Variants in HDX observed in about 807,000 individuals in gnomAD.
HDX encodes highly divergent homeobox.
HDX carries 19 observed loss-of-function variants against 45.2 expected under a neutral mutation model. That is an observed-to-expected ratio of 0.42 (90% CI 0.29 to 0.62). HDX has a LOEUF of 0.62. Among genes scored for constraint, HDX ranks in the 20% least tolerant of loss-of-function variants. The pLI is 0.20. For synonymous variants in HDX, 188 were observed against 172.8 expected (o/e 1.09, Z -0.69); for missense variants, 532 against 493.9 (o/e 1.08, Z -0.73).
At chrX:84,435,110 A>C (rs968010942) in intron 5 of HDX, among the ~76,000 whole-genome samples, 1 of 110,730 alleles carries the variant, frequency 9.0e-6, no homozygotes, top group African/African-American at 3.3e-5. Context: ...TTTTCAGAAA[A>C]CTTTTTGTTT....
At chrX:84,330,728 A>T (rs937123515) in intron 9 of HDX, among the ~76,000 whole-genome samples, 2 of 112,104 alleles carry the variant, frequency 1.8e-5, no homozygotes, top group African/African-American at 6.5e-5. Flanking sequence ...TGGTATGCAG[A>T]CTTCTAATTC....
chrX:84,347,013 A>G (rs2037221973), intron 6 of HDX, among the ~76,000 whole-genome samples: 1 of 111,371 alleles, frequency 9.0e-6, no homozygotes, highest in Non-Finnish European at 1.9e-5. Flanking sequence ...GATTTCTTTT[A>G]TCAGAGTTTT....
intron 1 of HDX, among the ~76,000 whole-genome samples, chrX:84,495,362 A>G (rs1019485605): frequency 5.4e-5 from 6 of 111,569 alleles, no homozygotes; most frequent in African/African-American, 1.3e-4. Flanking sequence ...TTTTCACCAC[A>G]AAATAAGTAT....
chrX:84,418,534 G>T (rs1186757366), intron 5 of HDX, among the ~76,000 whole-genome samples: 1 of 111,427 alleles, frequency 9.0e-6, no homozygotes, highest in African/African-American at 3.3e-5. Flanking sequence ...AATAGTAAGA[G>T]AACTAAAAAT....
intron 2 of HDX, among the ~76,000 whole-genome samples, chrX:84,477,612 G>C (rs1378763033): frequency 9.0e-6 from 1 of 111,499 alleles, no homozygotes; most frequent in Non-Finnish European, 1.9e-5. Flanking sequence ...ACAACAACTA[G>C]ATGACCCCAT....
chrX:84,398,106 A>G (rs955122093), intron 5 of HDX, among the ~76,000 whole-genome samples: 4 of 110,170 alleles, frequency 3.6e-5, no homozygotes, highest in Non-Finnish European at 7.6e-5. Context: ...GTATGTATAT[A>G]TATATACACA....
At chrX:84,479,453 CA>C (rs1429882296) in intron 2 of HDX, among the ~76,000 whole-genome samples, 2 of 111,847 alleles carry the variant, frequency 1.8e-5, no homozygotes, top group African/African-American at 6.5e-5. Context: ...TTAATTCATC[CA>C]CTGAAGGACA....
At chrX:84,340,327 G>T (rs2037058893) in intron 7 of HDX, among the ~76,000 whole-genome samples, 1 of 110,946 alleles carries the variant, frequency 9.0e-6, no homozygotes, top group African/African-American at 3.3e-5. Context: ...ATTTTCAATT[G>T]ATTTTTAATA....
intron 5 of HDX, among the ~76,000 whole-genome samples, chrX:84,375,530 G>A (rs1455247316): frequency 8.9e-6 from 1 of 112,207 alleles, no homozygotes; most frequent in Non-Finnish European, 1.9e-5. Flanking sequence ...TTAAGAAAAT[G>A]TGGCACATAT....
intron 4 of HDX, among the ~76,000 whole-genome samples, chrX:84,460,994 A>G: frequency 9.0e-6 from 1 of 111,644 alleles, no homozygotes; most frequent in Middle Eastern, 4.6e-3. Context: ...CTCTATAATG[A>G]AAACTATAAA....
chrX:84,497,986 A>G (rs894021853), intron 1 of HDX, among the ~76,000 whole-genome samples: 2 of 111,482 alleles, frequency 1.8e-5, no homozygotes, highest in African/African-American at 6.5e-5. Context: ...TGTTTTTAGA[A>G]GCTTGAAAGA....
chrX:84,464,230 G>A lies in HDX; in HGVS notation c.1251+4242C>T, dbSNP rs780562771. On this transcript the variant is annotated intron_variant, in intron 4 of 10. Transcript: ENST00000373177. ...CTCATGGAAAGGAAGAATCAATATC[G>A]TGAAAATGGTCATAGTGCCCAAAGT... Among the ~76,000 whole-genome samples, 6 of 111,427 alleles carry A rather than the reference G, an allele frequency of 5.4e-5. No individual in the cohort carries two copies. In the South Asian group the frequency reaches 1.1e-3, roughly 21 times the overall value.
intron 6 of HDX, among the ~76,000 whole-genome samples, chrX:84,344,961 G>C (rs918582201): frequency 9.0e-5 from 10 of 110,908 alleles, no homozygotes; most frequent in Non-Finnish European, 1.9e-4. Context: ...TTTTCAAACA[G>C]AACCATCATA....
chrX:84,433,764 G>A (rs1225718306), intron 5 of HDX, among the ~76,000 whole-genome samples: 2 of 111,020 alleles, frequency 1.8e-5, no homozygotes, highest in African/African-American at 3.3e-5. Flanking sequence ...TGAATCTGTA[G>A]ATTCCTGTGG....
At chrX:84,377,968 C>T (rs182965185) in intron 5 of HDX, among the ~76,000 whole-genome samples, 136 of 110,995 alleles carry the variant, frequency 1.2e-3, no homozygotes, top group African/African-American at 4.3e-3. Context: ...TAATCAAACT[C>T]CCAAACATAG....
intron 5 of HDX, among the ~76,000 whole-genome samples, chrX:84,422,182 C>T (rs902772524): frequency 1.6e-4 from 18 of 111,928 alleles, no homozygotes; most frequent in African/African-American, 5.8e-4. Flanking sequence ...GAAAAAGTAA[C>T]AAGCATCTTC....
intron 2 of HDX, among the ~76,000 whole-genome samples, chrX:84,486,865 A>G (rs1203761437): frequency 9.0e-6 from 1 of 111,584 alleles, no homozygotes; most frequent in Non-Finnish European, 1.9e-5. Context: ...TTGAATCTGT[A>G]AATTTTCATC....
At chrX:84,498,126 G>A (rs1406220049) in intron 1 of HDX, among the ~76,000 whole-genome samples, 1 of 111,223 alleles carries the variant, frequency 9.0e-6, no homozygotes. Flanking sequence ...TTAAATAATA[G>A]GACACCTTTT....
chrX:84,483,966 A>G (rs1277944929), intron 2 of HDX, among the ~76,000 whole-genome samples: 2 of 111,600 alleles, frequency 1.8e-5, no homozygotes, highest in Admixed American at 1.9e-4. Context: ...TCTTCATCTG[A>G]GAACACCTCA....
Sources: allele counts gnomAD v4.1 joint callset (sites outside exome capture counted in the v4.1 genomes callset), GRCh38; gene constraint gnomAD v4.1.1; transcripts MANE v1.5; gene names NCBI Gene and HGNC (gene_info 2026-07-23, HGNC 2026-07-21).